Variants in EXOC4 observed in about 807,000 individuals in gnomAD.
EXOC4 encodes SEC8-like 1.
EXOC4 carries 71 observed loss-of-function variants against 107.2 expected under a neutral mutation model. The observed-to-expected ratio is 0.66, with a 90% CI of 0.55 to 0.81. The LOEUF (loss-of-function observed/expected upper bound fraction) is 0.81, where lower values mean the gene tolerates loss of function less well. EXOC4 is among the 30% of genes least tolerant of loss of function. EXOC4 has a pLI of 0.00. For synonymous variants in EXOC4, 456 were observed against 441.2 expected (o/e 1.03, Z -0.42); for missense variants, 1,108 against 1,189.6 (o/e 0.93, Z 1.01).
Position 133,375,039 on chromosome 7 carries a change from G to T in EXOC4, c.1182+37G>T, listed in dbSNP as rs1267172676. The T allele has an allele frequency of 2.6e-6, 4 of 1,568,164 alleles. No homozygotes were observed. In the African/African-American group the frequency reaches 4.0e-5, roughly 16 times the overall value. ...TTACAAAGGGTGTCATCTTGATTCAGAGTAACAGTTTAGAATAACAACAAC... is the reference window on the plus strand; with the variant it reads ...TTACAAAGGGTGTCATCTTGATTCATAGTAACAGTTTAGAATAACAACAAC... On this transcript the variant is annotated intron_variant, in intron 7 of 17. Coordinates refer to ENST00000253861, the MANE Select transcript of EXOC4 (RefSeq NM_021807.4).
At chr7:133,955,495 G>T (rs1008576259) in intron 14 of EXOC4, among the ~76,000 whole-genome samples, 1 of 152,208 alleles carries the variant, frequency 6.6e-6, no homozygotes, top group Non-Finnish European at 1.5e-5. Context: ...GGCTTCAGAG[G>T]GGAGGAAGTG....
intron 13 of EXOC4, among the ~76,000 whole-genome samples, chr7:133,926,932 G>A (rs1800065035): frequency 6.6e-6 from 1 of 152,042 alleles, no homozygotes; most frequent in Admixed American, 6.6e-5. Context: ...AAGCAAGATG[G>A]TTGATCTTAA....
At chr7:133,445,225 C>G (rs1410588330) in intron 7 of EXOC4, among the ~76,000 whole-genome samples, 1 of 152,256 alleles carries the variant, frequency 6.6e-6, no homozygotes. Context: ...TCATAGGTTT[C>G]TGATCTTCAG....
intron 17 of EXOC4, among the ~76,000 whole-genome samples, chr7:134,056,533 G>A (rs1795928444): frequency 6.6e-6 from 1 of 152,206 alleles, no homozygotes; most frequent in African/African-American, 2.4e-5. Flanking sequence ...AGAAGGAGTT[G>A]AGCAGACTTC....
intron 2 of EXOC4, among the ~76,000 whole-genome samples, chr7:133,282,977 G>C (rs1224135975): frequency 3.3e-5 from 5 of 152,134 alleles, no homozygotes; most frequent in Admixed American, 3.3e-4. Flanking sequence ...TCTACTTTAT[G>C]CTTCTATGAG....
In EXOC4 at chr7:133,753,707, T is replaced by C. The variant is rs117634902; in HGVS notation, c.1515-63618T>C. Among the ~76,000 whole-genome samples, 72 of 152,266 alleles carry C rather than the reference T, an allele frequency of 4.7e-4. No individual in the cohort carries two copies. The East Asian group carries it at 0.012, about 26-fold the overall frequency. Reference sequence around the variant, plus strand: ...CATAGAATTGGAAAGAATCTCACATTTTTGCACAGCTACAAGTTTCTCACT... The same window carrying C: ...CATAGAATTGGAAAGAATCTCACATCTTTGCACAGCTACAAGTTTCTCACT... On this transcript the variant is annotated intron_variant, in intron 10 of 17. Transcript: ENST00000253861.
chr7:133,733,688 C>A (rs536646851), intron 10 of EXOC4: 1 of 152,110 alleles, frequency 6.6e-6, no homozygotes, highest in African/African-American at 2.4e-5. Flanking sequence ...TAAATGTTTT[C>A]CTCTTATTGC....
chr7:133,334,513 T>C (rs1341236780), intron 5 of EXOC4, among the ~76,000 whole-genome samples: 2 of 152,198 alleles, frequency 1.3e-5, no homozygotes, highest in South Asian at 2.1e-4. Flanking sequence ...TGCATAGTAC[T>C]CTGTTGGGTT....
chr7:133,896,418 G>A (rs1455132128), intron 12 of EXOC4, among the ~76,000 whole-genome samples: 1 of 152,108 alleles, frequency 6.6e-6, no homozygotes, highest in African/African-American at 2.4e-5. Context: ...AATTATATGT[G>A]ATATATAATG....
At chr7:133,628,728 T>C (rs1802515520) in intron 9 of EXOC4, among the ~76,000 whole-genome samples, 1 of 152,190 alleles carries the variant, frequency 6.6e-6, no homozygotes, top group South Asian at 2.1e-4. Flanking sequence ...GTGTGTGAGC[T>C]TGGGTTACTC....
intron 7 of EXOC4, among the ~76,000 whole-genome samples, chr7:133,446,770 T>C (rs1798230965): frequency 6.6e-6 from 1 of 152,240 alleles, no homozygotes; most frequent in Admixed American, 6.5e-5. Flanking sequence ...CAGTAGTCAC[T>C]GAGAGGACTA....
At chr7:133,575,383 G>T (rs1278489054) in intron 9 of EXOC4, among the ~76,000 whole-genome samples, 1 of 152,134 alleles carries the variant, frequency 6.6e-6, no homozygotes, top group Non-Finnish European at 1.5e-5. Context: ...AGAGGTATTG[G>T]TTTGTAATTT....
At chr7:133,361,367 G>A (rs541436346) in intron 6 of EXOC4, among the ~76,000 whole-genome samples, 3 of 152,118 alleles carry the variant, frequency 2.0e-5, no homozygotes, top group Admixed American at 1.3e-4. Context: ...TGCAAGCTCC[G>A]CCTCCTGGGT....
At chr7:134,086,011 G>A in the EXOC4 span, among the ~76,000 whole-genome samples, 1 of 152,162 alleles carries the variant, frequency 6.6e-6, no homozygotes, top group African/African-American at 2.4e-5. Flanking sequence ...CTGGAGCATT[G>A]AAAGTGTGCC....
intron 13 of EXOC4, among the ~76,000 whole-genome samples, chr7:133,922,987 GT>G (rs5887651): frequency 0.62 from 92,871 of 148,870 alleles, 31,150 homozygotes; most frequent in African/African-American, 0.9. Flanking sequence ...AATATCCTGG[GT>G]TTTTTTTTTT....
chr7:133,887,717 C>T (rs879423912), intron 11 of EXOC4, among the ~76,000 whole-genome samples: 15 of 152,206 alleles, frequency 9.9e-5, no homozygotes, highest in Non-Finnish European at 2.1e-4. Context: ...TCAGAGGCAT[C>T]TCCTCATGCT....
chr7:133,557,782 G>C (rs1021035811), intron 9 of EXOC4, among the ~76,000 whole-genome samples: 1 of 152,124 alleles, frequency 6.6e-6, no homozygotes, highest in Non-Finnish European at 1.5e-5. Flanking sequence ...CTTGAGGTCA[G>C]GAGTTCAAGA....
At chr7:134,008,563 A>G (rs1334423183) in intron 17 of EXOC4, among the ~76,000 whole-genome samples, 2 of 152,052 alleles carry the variant, frequency 1.3e-5, no homozygotes, top group Non-Finnish European at 2.9e-5. Flanking sequence ...TCTTGTTCCA[A>G]TTGAAACCCA....
At chr7:133,580,058 G>A (rs1249626059) in intron 9 of EXOC4, among the ~76,000 whole-genome samples, 2 of 152,170 alleles carry the variant, frequency 1.3e-5, no homozygotes, top group Non-Finnish European at 2.9e-5. Context: ...TACAGTGTTT[G>A]CCTTTTCGTG....
Sources: allele counts gnomAD v4.1 joint callset (sites outside exome capture counted in the v4.1 genomes callset), GRCh38; gene constraint gnomAD v4.1.1; transcripts MANE v1.5; gene names NCBI Gene and HGNC (gene_info 2026-07-23, HGNC 2026-07-21).